The following CNTN4 variants were observed in gnomAD, a reference collection of about 807,000 sequenced individuals.
The protein encoded by CNTN4 is contactin-4.
CNTN4 carries 77 observed loss-of-function variants against 122.5 expected under a neutral mutation model. The ratio of observed to expected loss-of-function variants is 0.63; its 90% CI spans 0.52 to 0.76. The LOEUF (loss-of-function observed/expected upper bound fraction) is 0.76. Among genes scored for constraint, CNTN4 ranks in the 30% least tolerant of loss-of-function variants. The pLI is 0.00. For synonymous variants in CNTN4, 512 were observed against 447.0 expected (o/e 1.15, Z -1.83); for missense variants, 1,256 against 1,259.1 (o/e 1.00, Z 0.04).
chr3:2,344,482 G>C (rs1025677380), intron 3 of CNTN4, among the ~76,000 whole-genome samples: 1 of 151,956 alleles, frequency 6.6e-6, no homozygotes, highest in Non-Finnish European at 1.5e-5. Context: ...GTTTCACTAT[G>C]TTGGCCAGGC....
chr3:2,449,614 CAAA>C (rs34181793), intron 3 of CNTN4, among the ~76,000 whole-genome samples: 14,194 of 125,880 alleles, frequency 0.11, 748 homozygotes, highest in Non-Finnish European at 0.14. Context: ...GACTCCATCT[CAAA>C]AAAAAAAAAA....
chr3:2,545,714 G>A (rs900333513), intron 3 of CNTN4, among the ~76,000 whole-genome samples: 4 of 146,402 alleles, frequency 2.7e-5, no homozygotes, highest in African/African-American at 1.0e-4. Context: ...TTTTCCATTT[G>A]CTTGGTAGAT....
At chr3:2,485,655 G>T (rs1174812953) in intron 3 of CNTN4, among the ~76,000 whole-genome samples, 1 of 152,150 alleles carries the variant, frequency 6.6e-6, no homozygotes, top group African/African-American at 2.4e-5. Flanking sequence ...CTAGCTAAGG[G>T]ATTGTAAATA....
intron 7 of CNTN4, among the ~76,000 whole-genome samples, chr3:2,853,998 C>A (rs970029054): frequency 6.6e-6 from 1 of 152,162 alleles, no homozygotes; most frequent in Non-Finnish European, 1.5e-5. Flanking sequence ...AAGCCAAACT[C>A]ATAGATGATT....
At chr3:2,756,342 A>G (rs1160949613) in intron 6 of CNTN4, among the ~76,000 whole-genome samples, 1 of 152,202 alleles carries the variant, frequency 6.6e-6, no homozygotes. Flanking sequence ...CCCTTATAAA[A>G]GTGATTCCTA....
chr3:2,204,419 T>A (rs2038244260), intron 2 of CNTN4, among the ~76,000 whole-genome samples: 1 of 152,216 alleles, frequency 6.6e-6, no homozygotes, highest in South Asian at 2.1e-4. Flanking sequence ...AAGTAGCTAA[T>A]TCAACTGTTT....
chr3:3,054,117 G>A, intron 24 of CNTN4, 142 bp downstream of exon 24: 1 of 898,728 alleles, frequency 1.1e-6, no homozygotes, highest in Non-Finnish European at 1.8e-6. Context: ...TTCTCCAGAT[G>A]TTTGCTGGCC....
At chr3:2,203,301 A>G (rs902148812) in intron 2 of CNTN4, among the ~76,000 whole-genome samples, 3 of 152,098 alleles carry the variant, frequency 2.0e-5, no homozygotes, top group African/African-American at 7.2e-5. Flanking sequence ...ATCACTACCT[A>G]CCATTTCACT....
At chr3:2,242,448 A>G (rs770944286) in intron 2 of CNTN4, among the ~76,000 whole-genome samples, 1 of 152,108 alleles carries the variant, frequency 6.6e-6, no homozygotes, top group Non-Finnish European at 1.5e-5. Flanking sequence ...TTTTCTTCCA[A>G]CTTTCCATTT....
At chr3:2,369,058 G>A (rs770868978) in intron 3 of CNTN4, among the ~76,000 whole-genome samples, 1 of 152,044 alleles carries the variant, frequency 6.6e-6, no homozygotes, top group Non-Finnish European at 1.5e-5. Context: ...CGAGTAGCTG[G>A]GATTACAGGC....
chr3:2,214,829 T>C (rs1405938165), intron 2 of CNTN4, among the ~76,000 whole-genome samples: 2 of 152,174 alleles, frequency 1.3e-5, no homozygotes, highest in Non-Finnish European at 2.9e-5. Flanking sequence ...TTAAATATAA[T>C]CTGATATTCT....
At chr3:2,561,094 G>A (rs1023264010) in intron 3 of CNTN4, among the ~76,000 whole-genome samples, 3 of 152,126 alleles carry the variant, frequency 2.0e-5, no homozygotes, top group Non-Finnish European at 4.4e-5. Context: ...CCAAGTAAAA[G>A]CCCTGAAAGT....
intron 3 of CNTN4, among the ~76,000 whole-genome samples, chr3:2,522,125 T>A (rs1029199020): frequency 6.6e-6 from 1 of 151,042 alleles, no homozygotes; most frequent in Non-Finnish European, 1.5e-5. Context: ...TTAGATTTTA[T>A]GGCATGTGGC....
intron 2 of CNTN4, among the ~76,000 whole-genome samples, chr3:2,312,034 T>C (rs2042932881): frequency 6.6e-6 from 1 of 152,022 alleles, no homozygotes; most frequent in African/African-American, 2.4e-5. Flanking sequence ...TTTTTTTTGA[T>C]ACGATAAAAC....
chr3:2,726,681 T>C (rs1467637611), intron 4 of CNTN4, among the ~76,000 whole-genome samples: 1 of 152,172 alleles, frequency 6.6e-6, no homozygotes, highest in East Asian at 1.9e-4. Flanking sequence ...TAAATATAAA[T>C]CGGAAAGTTT....
chr3:2,793,682 A>G (rs1298517799), intron 6 of CNTN4, among the ~76,000 whole-genome samples: 3 of 152,196 alleles, frequency 2.0e-5, no homozygotes, highest in South Asian at 2.1e-4. Context: ...GAACTTGACA[A>G]TCACCTCACT....
intron 13 of CNTN4, among the ~76,000 whole-genome samples, chr3:2,963,044 A>G (rs1420448055): frequency 2.0e-5 from 3 of 152,160 alleles, no homozygotes; most frequent in Non-Finnish European, 4.4e-5. Context: ...CCGTATATCT[A>G]TTAATGCTGC....
intron 4 of CNTN4, among the ~76,000 whole-genome samples, chr3:2,670,287 A>G (rs1317179518): frequency 6.6e-5 from 10 of 152,090 alleles, no homozygotes; most frequent in Non-Finnish European, 1.3e-4. Flanking sequence ...TGTATTGGGT[A>G]CATATATATT....
intron 2 of CNTN4, among the ~76,000 whole-genome samples, chr3:2,319,390 A>G (rs1275555329): frequency 6.6e-6 from 1 of 152,166 alleles, no homozygotes; most frequent in Non-Finnish European, 1.5e-5. Context: ...CGTTAGCTGC[A>G]TGAATCCACT....
Sources: gnomAD v4.1 joint callset for allele counts (sites outside exome capture counted in the v4.1 genomes callset) on GRCh38, gnomAD v4.1.1 for gene constraint, MANE v1.5 for transcripts, NCBI Gene and HGNC (gene_info 2026-07-23, HGNC 2026-07-21) for gene names.